ST6GALNAC3: variants seen among roughly 807,000 people sequenced by gnomAD.
ST6GALNAC3 encodes ST6 N-acetylgalactosaminide alpha-2,6-sialyltransferase 3.
In ST6GALNAC3, 25 loss-of-function variants were observed where a neutral mutation model predicts 32.7. The ratio of observed to expected loss-of-function variants is 0.76; its 90% CI spans 0.56 to 1.07. The LOEUF (loss-of-function observed/expected upper bound fraction) is 1.07, where lower values mean the gene tolerates loss of function less well. Among genes scored for constraint, ST6GALNAC3 ranks in the 50% least tolerant of loss-of-function variants. ST6GALNAC3 has a pLI of 0.00. For missense variants in ST6GALNAC3, 355 were observed against 382.4 expected (o/e 0.93, Z 0.60); for synonymous variants, 129 against 133.1 (o/e 0.97, Z 0.21).
At chr1:76,269,819 C>A (rs1333689433) in intron 1 of ST6GALNAC3, among the ~76,000 whole-genome samples, 1 of 152,214 alleles carries the variant, frequency 6.6e-6, no homozygotes, top group Admixed American at 6.5e-5. Context: ...CCTCCAAAAT[C>A]TGAGACCTTG....
chr1:76,096,587 TATAAA>T (rs1357579160), intron 1 of ST6GALNAC3, among the ~76,000 whole-genome samples: 1 of 150,340 alleles, frequency 6.7e-6, no homozygotes, highest in Non-Finnish European at 1.5e-5. Flanking sequence ...AAATTTTATT[TATAAA>T]ATATCTTTAT....
chr1:76,635,947 A>T (rs1484126669), downstream of ST6GALNAC3, among the ~76,000 whole-genome samples: 1 of 152,120 alleles, frequency 6.6e-6, no homozygotes, highest in Non-Finnish European at 1.5e-5. Flanking sequence ...TTTGATGAAC[A>T]TGTAGCTCTT....
At chr1:76,635,182 CCCTT>C (rs1188163460), downstream of ST6GALNAC3, among the ~76,000 whole-genome samples, 2 of 152,122 alleles carry the variant, frequency 1.3e-5, no homozygotes, top group Admixed American at 6.5e-5. Context: ...CTTCTTTCCT[CCCTT>C]CCTTCCTTAT....
intron 1 of ST6GALNAC3, among the ~76,000 whole-genome samples, chr1:76,110,466 G>A (rs1470501256): frequency 1.3e-5 from 2 of 152,262 alleles, no homozygotes; most frequent in Admixed American, 1.3e-4. Flanking sequence ...TGTGAGCACA[G>A]TGTGTGTGAG....
At chr1:76,108,432 G>A (rs1647686302) in intron 1 of ST6GALNAC3, among the ~76,000 whole-genome samples, 1 of 152,128 alleles carries the variant, frequency 6.6e-6, no homozygotes, top group Admixed American at 6.5e-5. Context: ...CCCTAGCTTG[G>A]TGCACTACCT....
chr1:76,257,145 A>G (rs1357642437), intron 1 of ST6GALNAC3, among the ~76,000 whole-genome samples: 2 of 152,176 alleles, frequency 1.3e-5, no homozygotes, highest in Non-Finnish European at 2.9e-5. Context: ...CACATGGTTT[A>G]ATCCCCAAAT....
intron 1 of ST6GALNAC3, among the ~76,000 whole-genome samples, chr1:76,297,566 C>T (rs947955979): frequency 6.6e-5 from 10 of 151,936 alleles, no homozygotes; most frequent in African/African-American, 2.4e-4. Context: ...TTTTTAGGTG[C>T]GCCTGGTTTG....
chr1:76,336,137 A>G (rs1647454461), intron 2 of ST6GALNAC3, among the ~76,000 whole-genome samples: 1 of 152,184 alleles, frequency 6.6e-6, no homozygotes, highest in Non-Finnish European at 1.5e-5. Context: ...ATGATTTCTC[A>G]CTGTGGATTT....
intron 1 of ST6GALNAC3, among the ~76,000 whole-genome samples, chr1:76,193,869 G>A (rs1654048055): frequency 6.6e-6 from 1 of 152,164 alleles, no homozygotes; most frequent in South Asian, 2.1e-4. Flanking sequence ...ACGTGGTAGA[G>A]AGAGAGTGAA....
chr1:76,266,666 A>C (rs1248098751), intron 1 of ST6GALNAC3, among the ~76,000 whole-genome samples: 1 of 152,172 alleles, frequency 6.6e-6, no homozygotes, highest in East Asian at 1.9e-4. Flanking sequence ...TCCAATTCTC[A>C]TCTACCTGCT....
intron 2 of ST6GALNAC3, among the ~76,000 whole-genome samples, chr1:76,404,260 T>C (rs1653652418): frequency 6.6e-6 from 1 of 152,088 alleles, no homozygotes; most frequent in African/African-American, 2.4e-5. Flanking sequence ...CACATTGCTT[T>C]AGAAAGCTGC....
intron 2 of ST6GALNAC3, among the ~76,000 whole-genome samples, chr1:76,397,369 CT>C (rs66473246): frequency 8.1e-6 from 1 of 124,078 alleles, no homozygotes. Flanking sequence ...CTATAAGATG[CT>C]TTTTTTTTTT....
intron 3 of ST6GALNAC3, among the ~76,000 whole-genome samples, chr1:76,474,916 A>G (rs962863619): frequency 3.3e-5 from 5 of 152,202 alleles, no homozygotes; most frequent in Non-Finnish European, 5.9e-5. Flanking sequence ...CTCAACTAAA[A>G]TTATCGTCAT....
intron 1 of ST6GALNAC3, among the ~76,000 whole-genome samples, chr1:76,266,133 G>A (rs1313468803): frequency 6.6e-6 from 1 of 152,202 alleles, no homozygotes; most frequent in Non-Finnish European, 1.5e-5. Flanking sequence ...GGATGTTGTT[G>A]AATTTATTTA....
rs1656637167 is a variant in ST6GALNAC3 at position 76,441,913 on chromosome 1, A to G, written c.623+29496A>G. ...ATAAGCTTCTTTGATGTCAGCCACA[A>G]TCTTCAAAGTCTTTTAATTTCTCTA... On this transcript the variant is annotated intron_variant, in intron 3 of 4. Coordinates refer to ENST00000328299, the MANE Select transcript of ST6GALNAC3 (RefSeq NM_152996.4). 2.6e-5 allele frequency among the ~76,000 whole-genome samples: 4 copies of G among 152,190 alleles called. No homozygotes were observed. In the South Asian group the frequency reaches 8.3e-4, roughly 31 times the overall value.
At chr1:76,505,815 A>C (rs1395540411) in intron 3 of ST6GALNAC3, among the ~76,000 whole-genome samples, 1 of 152,150 alleles carries the variant, frequency 6.6e-6, no homozygotes, top group East Asian at 1.9e-4. Context: ...AGTCAGAAAT[A>C]ATTTTAAAAT....
intron 3 of ST6GALNAC3, among the ~76,000 whole-genome samples, chr1:76,545,797 C>A (rs895584198): frequency 6.6e-6 from 1 of 151,814 alleles, no homozygotes; most frequent in African/African-American, 2.4e-5. Flanking sequence ...GCTGGGATTA[C>A]AGGCATGCCC....
chr1:76,615,470 C>T (rs1167542918), intron 3 of ST6GALNAC3, among the ~76,000 whole-genome samples: 1 of 152,164 alleles, frequency 6.6e-6, no homozygotes, highest in Non-Finnish European at 1.5e-5. Context: ...CAGTCACTTC[C>T]TTGCAACCCT....
chr1:76,391,304 T>C (rs1362205586), intron 2 of ST6GALNAC3, among the ~76,000 whole-genome samples: 1 of 152,154 alleles, frequency 6.6e-6, no homozygotes, highest in Non-Finnish European at 1.5e-5. Context: ...TCATTTCAGC[T>C]CTTGCACTGA....
Sources: allele counts gnomAD v4.1 joint callset (sites outside exome capture counted in the v4.1 genomes callset), GRCh38; gene constraint gnomAD v4.1.1; transcripts MANE v1.5; gene names NCBI Gene and HGNC (gene_info 2026-07-23, HGNC 2026-07-21).